Variants in TVP23C observed in about 807,000 individuals in gnomAD.
The protein encoded by TVP23C is Golgi apparatus membrane protein TVP23 homolog C.
Under a neutral mutation model 28.7 loss-of-function variants are expected in TVP23C, and 19 were observed. The observed-to-expected ratio is 0.66, with a 90% CI of 0.46 to 0.97. The LOEUF is 0.97. Ranked by LOEUF, TVP23C falls within the 50% of genes least tolerant of loss-of-function variation. The pLI is 0.00. For synonymous variants in TVP23C, 68 were observed against 81.7 expected (o/e 0.83, Z 0.90); for missense variants, 186 against 241.3 (o/e 0.77, Z 1.52).
At chr17:15,523,782 T>C (rs1163696777) in intron 5 of TVP23C, among the ~76,000 whole-genome samples, 1 of 151,736 alleles carries the variant, frequency 6.6e-6, no homozygotes, top group Non-Finnish European at 1.5e-5. Flanking sequence ...CCCGGCTAAT[T>C]TTTTGTATTT....
At chr17:15,544,750 C>A (rs1983569217) in intron 5 of TVP23C, among the ~76,000 whole-genome samples, 3 of 152,054 alleles carry the variant, frequency 2.0e-5, no homozygotes, top group African/African-American at 7.2e-5. Flanking sequence ...AAGGTAACTA[C>A]CAGAAGAACT....
intron 3 of TVP23C, among the ~76,000 whole-genome samples, chr17:15,550,197 A>C (rs923784223): frequency 6.6e-6 from 1 of 152,186 alleles, no homozygotes; most frequent in African/African-American, 2.4e-5. Context: ...AGTTTTTGAC[A>C]TATTCAGAAA....
chr17:15,506,420 T>A (rs1467608055), intron 5 of TVP23C, among the ~76,000 whole-genome samples: 7 of 152,198 alleles, frequency 4.6e-5, no homozygotes, highest in African/African-American at 7.2e-5. Context: ...AGAACCTTTA[T>A]GTCTAGCTCA....
rs1981776340 is a variant in TVP23C at position 15,506,919 on chromosome 17, C to A, written c.463-3687G>T. ...TCGCCATCAACGGGGAGCCCTTGGGCCGCATCTCCTTTGAGCTGTTTGCAA... is the reference window on the plus strand; with the variant it reads ...TCGCCATCAACGGGGAGCCCTTGGGACGCATCTCCTTTGAGCTGTTTGCAA... On this transcript the variant is annotated intron_variant, in intron 5 of 5. Coordinates refer to the TVP23C transcript ENST00000225576. 3.7e-6 allele frequency: 4 copies of A among 1,071,738 alleles called. No homozygotes were observed. The Admixed American group carries it at 7.1e-5, about 19-fold the overall frequency. 66.4% of individuals were successfully genotyped at this position (1,071,738 alleles called of 1,614,324 possible).
At chr17:15,503,126 G>C in exon 6 of TVP23C, 3 of 1,611,464 alleles carry the variant, frequency 1.9e-6, no homozygotes, top group Non-Finnish European at 2.5e-6. Context: ...GGGATGGCCC[G>C]GGCAGCGGCT....
At chr17:15,503,139 C>T (rs1449131956) in exon 6 of TVP23C, 3 of 1,607,130 alleles carry the variant, frequency 1.9e-6, no homozygotes, top group East Asian at 2.2e-5. Context: ...CAGCGGCTCA[C>T]GCCTGTTATC....
chr17:15,522,281 CAG>C (rs1396181360), intron 5 of TVP23C, among the ~76,000 whole-genome samples: 1 of 152,110 alleles, frequency 6.6e-6, no homozygotes, highest in Non-Finnish European at 1.5e-5. Flanking sequence ...AAACATAAAA[CAG>C]AAACTATAAA....
At chr17:15,526,032 A>T (rs1318549303) in intron 5 of TVP23C, among the ~76,000 whole-genome samples, 1 of 152,198 alleles carries the variant, frequency 6.6e-6, no homozygotes, top group Non-Finnish European at 1.5e-5. Context: ...TGAAGCCAGG[A>T]TTTAAACTCA....
intron 5 of TVP23C, among the ~76,000 whole-genome samples, chr17:15,544,627 A>C (rs1983562096): frequency 6.6e-6 from 1 of 152,078 alleles, no homozygotes; most frequent in Non-Finnish European, 1.5e-5. Flanking sequence ...GGAGAAGTTA[A>C]AGAAACCATA....
Position 15,539,339 on chromosome 17 carries a change from G to A in TVP23C, c.*1073C>T. 2.0e-6 allele frequency: 2 copies of A among 984,420 alleles called. No homozygotes were observed. The highest frequency in any genetic ancestry group is 2.4e-6 in the Non-Finnish European group (2 of 829,028). The allele number at this position is 984,420 out of a possible 1,614,324, so 61.0% of individuals were successfully genotyped here. ...AGACCTAGTCACGGCCAGGCGCCGT[G>A]GCTCACGCCTGTAATCCCAGCACTT... On this transcript the variant is annotated 3_prime_UTR_variant, in exon 6 of 6. Transcript: ENST00000518321.
intron 5 of TVP23C, among the ~76,000 whole-genome samples, chr17:15,508,427 G>A (rs533891963): frequency 2.0e-5 from 3 of 152,292 alleles, no homozygotes; most frequent in South Asian, 4.1e-4. Context: ...GTAACTGCCC[G>A]GCCAAAATGG....
Position 15,538,208 on chromosome 17 carries a change from C to T in TVP23C, c.*2204G>A. ...CATCAAAGTTATTTCACTTCACACA[C>T]CATGGACTTGGGGCCTAGGCCTAGG... On this transcript the variant is annotated 3_prime_UTR_variant, in exon 6 of 6. Coordinates refer to ENST00000518321, the MANE Select transcript of TVP23C (RefSeq NM_001135036.2). 6.2e-7 allele frequency: 1 copy of T among 1,613,224 alleles called. No individual in the cohort carries two copies. Among genetic ancestry groups the T allele is most frequent in the Non-Finnish European group, 8.5e-7 (1 of 1,179,662 alleles).
intron 3 of TVP23C, among the ~76,000 whole-genome samples, chr17:15,551,765 G>A (rs1282092990): frequency 6.6e-6 from 1 of 152,094 alleles, no homozygotes; most frequent in East Asian, 1.9e-4. Flanking sequence ...GTGGCCCAGG[G>A]AAACCAAAAG....
intron 5 of TVP23C, among the ~76,000 whole-genome samples, chr17:15,509,909 T>C (rs984905877): frequency 6.6e-6 from 1 of 152,204 alleles, no homozygotes. Context: ...AGGGAGAAAC[T>C]ATTATATTTC....
At chr17:15,554,399 G>A (rs1399697717) in intron 2 of TVP23C, among the ~76,000 whole-genome samples, 3 of 151,572 alleles carry the variant, frequency 2.0e-5, no homozygotes, top group African/African-American at 4.8e-5. Flanking sequence ...CACCACGCCC[G>A]GCTAATTTTT....
chr17:15,560,669 C>A (rs573398863), intron 1 of TVP23C, among the ~76,000 whole-genome samples: 1 of 148,792 alleles, frequency 6.7e-6, no homozygotes, highest in East Asian at 2.0e-4. Context: ...CATTCTCCTG[C>A]CTCAGCTTCC....
chr17:15,511,960 T>C (rs1332945217), intron 5 of TVP23C, among the ~76,000 whole-genome samples: 1 of 152,218 alleles, frequency 6.6e-6, no homozygotes, highest in African/African-American at 2.4e-5. Flanking sequence ...TTAGTGGGTA[T>C]TTAGAACAGC....
At chr17:15,542,563 G>A (rs957602705) in intron 5 of TVP23C, among the ~76,000 whole-genome samples, 16 of 152,190 alleles carry the variant, frequency 1.1e-4, no homozygotes, top group Admixed American at 3.9e-4. Flanking sequence ...TGCAAACTCC[G>A]CCTCCTGGGT....
chr17:15,502,968 G>C lies in TVP23C; in HGVS notation c.727C>G (p.Leu243Val), dbSNP rs1031253106. The C allele has an allele frequency of 2.5e-6, 4 of 1,614,042 alleles. No individual in the cohort carries two copies. In the African/African-American group the frequency reaches 5.3e-5, roughly 22 times the overall value. Reference sequence around the variant, plus strand: ...CTCCAGGCCCAAAGCCGCAAGGAGAGAAATAGGCGGGCGGGCGCCATCTGT... The same window carrying C: ...CTCCAGGCCCAAAGCCGCAAGGAGACAAATAGGCGGGCGGGCGCCATCTGT... The change falls in exon 6 of 6, where the codon CTC becomes GTC. Residue 243 changes from leucine to valine, a missense_variant. Transcript: ENST00000225576.
Sources: gnomAD v4.1 joint callset for allele counts (sites outside exome capture counted in the v4.1 genomes callset) on GRCh38, gnomAD v4.1.1 for gene constraint, MANE v1.5 for transcripts, NCBI Gene and HGNC (gene_info 2026-07-23, HGNC 2026-07-21) for gene names.